The following MKNK1 variants were observed in gnomAD, a reference collection of about 807,000 sequenced individuals.
MKNK1 encodes MAPK interacting serine/threonine kinase 1.
MKNK1 carries 30 observed loss-of-function variants against 49.3 expected under a neutral mutation model. The ratio of observed to expected loss-of-function variants is 0.61; its 90% CI spans 0.46 to 0.83. MKNK1 has a LOEUF of 0.83. Ranked by LOEUF, MKNK1 falls within the 40% of genes least tolerant of loss-of-function variation. The pLI, the probability that MKNK1 is intolerant of heterozygous loss-of-function variation, is 0.00. For synonymous variants in MKNK1, 176 were observed against 201.7 expected (o/e 0.87, Z 1.08); for missense variants, 423 against 524.7 (o/e 0.81, Z 1.89).
intron 8 of MKNK1, among the ~76,000 whole-genome samples, chr1:46,567,086 C>CAT (rs1187972049): frequency 1.3e-5 from 2 of 152,194 alleles, no homozygotes; most frequent in African/African-American, 4.8e-5. Flanking sequence ...GGACTACAGG[C>CAT]ATGCAACCGC....
At chr1:46,593,913 A>G (rs577722490) in intron 2 of MKNK1, 200 bp downstream of exon 2, 5 of 447,676 alleles carry the variant, frequency 1.1e-5, no homozygotes, top group African/African-American at 6.0e-5. Flanking sequence ...TTTCCTTATG[A>G]CCCTTCCATG....
chr1:46,596,263 A>G (rs1256376345), intron 1 of MKNK1, among the ~76,000 whole-genome samples: 1 of 152,256 alleles, frequency 6.6e-6, no homozygotes, highest in Non-Finnish European at 1.5e-5. Context: ...TTGTAGCTAT[A>G]TGTCAATAAA....
At chr1:46,560,361 T>C in intron 11 of MKNK1, 84 bp from the exon 12 acceptor site, 1 of 1,433,758 alleles carries the variant, frequency 7.0e-7, no homozygotes, top group Non-Finnish European at 9.8e-7. Flanking sequence ...AGTGGGTAGG[T>C]TACTATAGGC....
chr1:46,568,547 C>A, intron 7 of MKNK1, 49 bp from the exon 8 acceptor site: 1 of 1,523,174 alleles, frequency 6.6e-7, no homozygotes, highest in South Asian at 1.1e-5. Flanking sequence ...AGATAATTAT[C>A]AAACATTCCA....
intron 4 of MKNK1, among the ~76,000 whole-genome samples, chr1:46,577,529 A>C (rs1278463070): frequency 6.6e-6 from 1 of 152,204 alleles, no homozygotes; most frequent in African/African-American, 2.4e-5. Context: ...TTATTTACAT[A>C]ATCTCAGTTG....
rs551773883 is a variant in MKNK1, at chr1:46,576,562, A to C, written c.278+13T>G. ...TCCCCCCAGAGAAGCAGCGAGAATC[A>C]CATGATACTCACTTGTTTCCCTGAC... On this transcript the variant is annotated intron_variant, in intron 5 of 12. Transcript: ENST00000371945. 1 of 1,610,730 alleles carries C rather than the reference A, an allele frequency of 6.2e-7. No individual in the cohort carries two copies. Among genetic ancestry groups the C allele is most frequent in the African/African-American group, 1.3e-5 (1 of 74,944 alleles).
At chr1:46,560,489 G>A (rs1667758989) in intron 11 of MKNK1, among the ~76,000 whole-genome samples, 1 of 152,176 alleles carries the variant, frequency 6.6e-6, no homozygotes, top group Admixed American at 6.5e-5. Context: ...TCTGCATGGA[G>A]AGCCCCTCTT....
chr1:46,566,234 A>G (rs1401308540), intron 8 of MKNK1, among the ~76,000 whole-genome samples: 2 of 152,234 alleles, frequency 1.3e-5, no homozygotes, highest in Non-Finnish European at 2.9e-5. Context: ...TATTTCATAT[A>G]AGTAGATTTA....
intron 4 of MKNK1, among the ~76,000 whole-genome samples, chr1:46,577,958 G>A (rs1004432822): frequency 6.6e-6 from 1 of 152,214 alleles, no homozygotes; most frequent in Non-Finnish European, 1.5e-5. Flanking sequence ...GATATGATGT[G>A]GCACAGACAT....
intron 1 of MKNK1, among the ~76,000 whole-genome samples, chr1:46,601,620 G>A (rs1448343578): frequency 2.0e-5 from 3 of 152,226 alleles, no homozygotes; most frequent in Non-Finnish European, 4.4e-5. Flanking sequence ...CAGAATTCTT[G>A]TACTTTCTTG....
chr1:46,567,042 A>G (rs945345136), intron 8 of MKNK1, among the ~76,000 whole-genome samples: 6 of 152,110 alleles, frequency 3.9e-5, no homozygotes, highest in Non-Finnish European at 7.4e-5. Flanking sequence ...TCCAGGCTCA[A>G]GCAATTCTCC....
At chr1:46,568,594 G>T in intron 7 of MKNK1, 96 bp from the exon 8 acceptor site, 1 of 1,178,418 alleles carries the variant, frequency 8.5e-7, no homozygotes. Context: ...GTAGTTCGCA[G>T]ATTAATTCCC....
chr1:46,590,547 G>A (rs1673183962), intron 2 of MKNK1, among the ~76,000 whole-genome samples: 1 of 151,140 alleles, frequency 6.6e-6, no homozygotes, highest in Admixed American at 6.6e-5. Flanking sequence ...GCTCAAGGTC[G>A]CATAGCTTGT....
At chr1:46,579,932 C>T (rs1671502106) in intron 4 of MKNK1, among the ~76,000 whole-genome samples, 1 of 152,100 alleles carries the variant, frequency 6.6e-6, no homozygotes. Flanking sequence ...CCAAATCAGT[C>T]ACCTTAGTTT....
chr1:46,562,923 C>A, intron 9 of MKNK1, 80 bp from the exon 10 acceptor site: 1 of 1,216,942 alleles, frequency 8.2e-7, no homozygotes, highest in Non-Finnish European at 1.1e-6. Flanking sequence ...TGGCAGAGAG[C>A]AGACTGTGAT....
At chr1:46,572,223 T>G in intron 6 of MKNK1, 56 bp from the exon 7 acceptor site, 4 of 1,190,464 alleles carry the variant, frequency 3.4e-6, no homozygotes, top group Non-Finnish European at 4.7e-6. Context: ...TAAGTATAAG[T>G]TTTTTTTTTA....
At chr1:46,577,889 C>A (rs1010470744) in intron 4 of MKNK1, among the ~76,000 whole-genome samples, 2 of 152,258 alleles carry the variant, frequency 1.3e-5, no homozygotes, top group East Asian at 3.8e-4. Context: ...ACAGCTCCAA[C>A]GTGCACAGTG....
chr1:46,600,829 T>C (rs768296836), intron 1 of MKNK1, among the ~76,000 whole-genome samples: 3 of 152,212 alleles, frequency 2.0e-5, no homozygotes, highest in Non-Finnish European at 4.4e-5. Flanking sequence ...AAATGTTCGA[T>C]GTTGTATTAA....
intron 2 of MKNK1, among the ~76,000 whole-genome samples, chr1:46,587,945 T>TA (rs1672809025): frequency 6.6e-6 from 1 of 152,252 alleles, no homozygotes; most frequent in Non-Finnish European, 1.5e-5. Flanking sequence ...CAGAAATACG[T>TA]AAAACTGCTA....
Sources: gnomAD v4.1 joint callset for allele counts (sites outside exome capture counted in the v4.1 genomes callset) on GRCh38, gnomAD v4.1.1 for gene constraint, MANE v1.5 for transcripts, NCBI Gene and HGNC (gene_info 2026-07-23, HGNC 2026-07-21) for gene names.